The following TOP2B variants were observed in gnomAD, a reference collection of about 807,000 sequenced individuals.
TOP2B encodes the protein DNA topoisomerase 2-beta.
TOP2B carries 51 observed loss-of-function variants against 193.5 expected under a neutral mutation model. That is an observed-to-expected ratio of 0.26 (90% confidence interval 0.21 to 0.33). The LOEUF is 0.33. Among genes scored for constraint, TOP2B ranks in the 10% least tolerant of loss-of-function variants. The pLI is 1.00. For synonymous variants in TOP2B, 634 were observed against 635.7 expected (o/e 1.00, Z 0.04); for missense variants, 1,378 against 1,909.3 (o/e 0.72, Z 5.19).
chr3:25,664,265 G>C lies in TOP2B; in HGVS notation c.33C>G (p.Ala11=). ...GTGCCCCGTTGCCGCCGCCCACGCC[G>C]GCTCCCGCGCCGCAGCCACCCGACT... MAKSGGCGAG[A]GVGGGNGALT... is the part of the protein sequence containing the mutation. Residue 11 remains alanine, a synonymous_variant, in exon 1 of 36, where the codon GCC becomes GCG. Transcript: ENST00000264331. 1 of 1,536,546 alleles carries C rather than the reference G, an allele frequency of 6.5e-7. No homozygotes were observed. Among genetic ancestry groups the C allele is most frequent in the Non-Finnish European group, 8.7e-7 (1 of 1,145,638 alleles).
In TOP2B at chr3:25,607,305, G is replaced by A; in HGVS notation, c.4164C>T (p.Asp1388=). The change falls in exon 31 of 36, where the codon GAC becomes GAT. Residue 1388 remains aspartate (D), a synonymous_variant. Transcript: ENST00000264331. ...EDDDADDDDD[D]NNDLEELKVK... ...CTTTCAATTCCTCTAAATCATTATT[G>A]TCATCATCATCATCATCAGCATCAT... 6.4e-7 allele frequency: 1 copy of A among 1,555,552 alleles called. No individual in the cohort carries two copies. Among genetic ancestry groups the A allele is most frequent in the South Asian group, 1.2e-5 (1 of 84,610 alleles).
In TOP2B at chr3:25,612,667, A is replaced by C; in HGVS notation, c.3634T>G (p.Ser1212Ala). 6.2e-7 allele frequency: 1 copy of C among 1,613,628 alleles called. No individual in the cohort carries two copies. The highest frequency in any genetic ancestry group is 8.5e-7 in the Non-Finnish European group (1 of 1,179,690). Residue 1212 changes from serine (S) to alanine (A), a missense_variant, in exon 28 of 36, where the codon TCT (serine) becomes GCT (alanine). Coordinates refer to ENST00000264331, the MANE Select transcript of TOP2B (RefSeq NM_001330700.2). Reference sequence around the variant, plus strand: ...ACTTTACCTTTAATTGCTTTTCCAGACATTCCAGCCAGAACATCTTCTCGT... The same window carrying C: ...ACTTTACCTTTAATTGCTTTTCCAGCCATTCCAGCCAGAACATCTTCTCGT... ...QEREDVLAGMSGKAIKGKVGK... is the reference protein window; with the variant it reads ...QEREDVLAGMAGKAIKGKVGK...
chr3:25,609,355 A>G lies in TOP2B; in HGVS notation c.3932-11T>C. The G allele has an allele frequency of 6.3e-7, 1 of 1,578,120 alleles. No homozygotes were observed. The highest frequency in any genetic ancestry group is 8.6e-7 in the Non-Finnish European group (1 of 1,159,930). ...TTCTCACTCTGGTACCTAAAGCAAA[A>G]GAATAGCAATAAGGTATGTATCCAT... On this transcript the variant is annotated splice_polypyrimidine_tract_variant and intron_variant, in intron 29 of 35. Transcript: ENST00000264331.
intron 1 of TOP2B, among the ~76,000 whole-genome samples, chr3:25,654,463 T>C (rs1703688578): frequency 6.6e-6 from 1 of 152,148 alleles, no homozygotes; most frequent in African/African-American, 2.4e-5. Flanking sequence ...CATTCCATTC[T>C]CATGGATTTA....
In TOP2B at chr3:25,624,289, A is replaced by C. The variant is rs190801855; in HGVS notation, c.2495+8T>G. The C allele has an allele frequency of 6.2e-7, 1 of 1,613,400 alleles. No individual in the cohort carries two copies. The highest frequency in any genetic ancestry group is 1.3e-5 in the African/African-American group (1 of 75,018). ...AAACTTTATACCATTATATCAGCAA[A>C]TATTTACCTTAACATTGTGAAAATA... On this transcript the variant is annotated splice_region_variant and intron_variant, in intron 20 of 35. Transcript: ENST00000264331.
intron 7 of TOP2B, among the ~76,000 whole-genome samples, chr3:25,635,108 G>A (rs1703069027): frequency 6.6e-6 from 1 of 152,096 alleles, no homozygotes; most frequent in Admixed American, 6.6e-5. Context: ...CTGAGGGGCA[G>A]CTCAAAAAGA....
rs1234136744 is a variant in TOP2B at position 25,612,573 on chromosome 3, A to C, written c.3728T>G (p.Ile1243Ser). 1 of 1,613,020 alleles carries C rather than the reference A, an allele frequency of 6.2e-7. No homozygotes were observed. Among genetic ancestry groups the C allele is most frequent in the East Asian group, 2.2e-5 (1 of 44,840 alleles). ...TGCCTTCATAGCTGTAATTTCAGGAATTATTCTTCTGCCATAAGGTGAGGG... is the reference window on the plus strand; with the variant it reads ...TGCCTTCATAGCTGTAATTTCAGGACTTATTCTTCTGCCATAAGGTGAGGG... The part of the protein sequence containing the change: ...TMPSPYGRRI[I>S]PEITAMKADA... The change falls in exon 28 of 36, where the codon ATT (isoleucine) becomes AGT (serine). Residue 1243 changes from isoleucine (I) to serine (S), a missense_variant. Ile to Ser is a moderately radical substitution (Grantham distance 142). Coordinates refer to ENST00000264331, the MANE Select transcript of TOP2B (RefSeq NM_001330700.2).
At chr3:25,635,315 C>T (rs1329114098) in intron 7 of TOP2B, among the ~76,000 whole-genome samples, 3 of 152,004 alleles carry the variant, frequency 2.0e-5, no homozygotes, top group African/African-American at 7.2e-5. Flanking sequence ...TCTGGTTTTC[C>T]ACAACTTACA....
At position 25,664,514 on chromosome 3, in the gene TOP2B, T is replaced by A. The variant is rs1432068265; in HGVS notation, c.-217A>T. 8.6e-7 allele frequency: 1 copy of A among 1,167,278 alleles called. No homozygotes were observed. The highest frequency in any genetic ancestry group is 4.0e-5 in the East Asian group (1 of 25,028). The allele number at this position is 1,167,278 out of a possible 1,614,324, so 72.3% of individuals were successfully genotyped here. A position where few individuals can be genotyped will look rare whatever the true frequency, so the allele number is the denominator to read the frequency against. ...CTGCCCTCAAACTCGAGGCGCGGCG[T>A]CCGCGTCGCCCGGGCCTAGCGCGGC... On this transcript the variant is annotated 5_prime_UTR_variant, in exon 1 of 36. Transcript: ENST00000264331.
In TOP2B at chr3:25,612,502, A is replaced by G; in HGVS notation, c.3786+13T>C. 1 of 1,585,788 alleles carries G rather than the reference A, an allele frequency of 6.3e-7. No individual in the cohort carries two copies. The highest frequency in any genetic ancestry group is 8.6e-7 in the Non-Finnish European group (1 of 1,165,146). ...TAGAAATGAGTCTATCAATGACAAG[A>G]GGTATGTCATACCTTCTTCTTCTTC... On this transcript the variant is annotated intron_variant, in intron 28 of 35. Coordinates refer to ENST00000264331, the MANE Select transcript of TOP2B (RefSeq NM_001330700.2).
Position 25,630,937 on chromosome 3 carries a change from G to C in TOP2B, c.1269C>G (p.Ala423=). The change falls in exon 11 of 36, where the codon GCC becomes GCG. Residue 423 remains alanine, a splice_region_variant and synonymous_variant. Transcript: ENST00000264331. Reference sequence around the variant, plus strand: ...TACTTTCTACAATGCCACAATTAGAGGCCTAAAAATAAAAGAATAATGGTA... The same window carrying C: ...TACTTTCTACAATGCCACAATTAGACGCCTAAAAATAAAAGAATAATGGTA... ...CQLSEKFFKA[A]SNCGIVESIL... The C allele has an allele frequency of 6.3e-7, 1 of 1,581,016 alleles. No homozygotes were observed. Among genetic ancestry groups the C allele is most frequent in the South Asian group, 1.2e-5 (1 of 85,148 alleles).
At chr3:25,645,942 T>TG (rs1336747324) in intron 1 of TOP2B, among the ~76,000 whole-genome samples, 16 of 151,198 alleles carry the variant, frequency 1.1e-4, no homozygotes, top group Admixed American at 3.9e-4. Context: ...TTTTTTTTTT[T>TG]GTATTTTTAG....
At chr3:25,607,078 A>G in intron 31 of TOP2B, 93 bp downstream of exon 31, 1 of 1,485,018 alleles carries the variant, frequency 6.7e-7, no homozygotes, top group Non-Finnish European at 9.0e-7. Flanking sequence ...CTTGCCTAGA[A>G]TGATAACAAT....
chr3:25,608,559 C>T (rs1354367103), intron 30 of TOP2B, among the ~76,000 whole-genome samples: 4 of 152,082 alleles, frequency 2.6e-5, no homozygotes, highest in African/African-American at 7.2e-5. Flanking sequence ...GAGGTAAACA[C>T]CCACAATGTT....
intron 1 of TOP2B, among the ~76,000 whole-genome samples, chr3:25,649,919 G>A (rs1325061915): frequency 6.6e-6 from 1 of 152,108 alleles, no homozygotes; most frequent in African/African-American, 2.4e-5. Context: ...GCTCCATAAA[G>A]GTCAAGACAC....
chr3:25,613,678 T>C (rs572826987), intron 27 of TOP2B, among the ~76,000 whole-genome samples: 1 of 151,662 alleles, frequency 6.6e-6, no homozygotes, highest in African/African-American at 2.4e-5. Context: ...CAATGAGCCA[T>C]GATTGTACCA....
intron 1 of TOP2B, among the ~76,000 whole-genome samples, chr3:25,662,988 A>G (rs966549019): frequency 9.9e-5 from 15 of 152,216 alleles, no homozygotes; most frequent in African/African-American, 3.6e-4. Context: ...CACATGGACC[A>G]CTAACTTAGT....
At chr3:25,611,670 G>C (rs949371956) in intron 28 of TOP2B, among the ~76,000 whole-genome samples, 3 of 151,962 alleles carry the variant, frequency 2.0e-5, no homozygotes, top group Non-Finnish European at 4.4e-5. Context: ...CCTGCTTGAG[G>C]TTAGGTCAAC....
Position 25,609,553 on chromosome 3 carries a change from A to G in TOP2B, c.3931+15T>C, listed in dbSNP as rs1212622710. On this transcript the variant is annotated intron_variant, in intron 29 of 35. Transcript: ENST00000264331. ...TTTTCTCTCACACACATGCAAAACT[A>G]TAATCATTTCTCACCAGGCTCCTTC... The G allele has an allele frequency of 1.3e-5, 21 of 1,603,184 alleles. No individual in the cohort carries two copies. Among genetic ancestry groups the G allele is most frequent in the Non-Finnish European group, 1.8e-5 (21 of 1,174,450 alleles).
Sources: allele counts gnomAD v4.1 joint callset (sites outside exome capture counted in the v4.1 genomes callset), GRCh38; gene constraint gnomAD v4.1.1; transcripts MANE v1.5; gene names NCBI Gene and HGNC (gene_info 2026-07-23, HGNC 2026-07-21).